MTIF3: variants seen among roughly 807,000 people sequenced by gnomAD.
The protein encoded by MTIF3 is translation initiation factor IF-3, mitochondrial.
A neutral mutation model predicts 20.7 loss-of-function variants in MTIF3; 13 were observed. The ratio of observed to expected loss-of-function variants is 0.63; its 90% CI spans 0.41 to 1.00. The LOEUF (loss-of-function observed/expected upper bound fraction) is 1.00, where lower values mean the gene tolerates loss of function less well. Among genes scored for constraint, MTIF3 ranks in the 50% least tolerant of loss-of-function variants. The pLI is 0.00. For synonymous variants in MTIF3, 114 were observed against 112.5 expected, an observed-to-expected ratio of 1.01 and a Z score of -0.08; for missense variants, 295 against 324.5, an observed-to-expected ratio of 0.91 and a Z score of 0.70.
intron 1 of MTIF3, among the ~76,000 whole-genome samples, chr13:27,447,198 C>CAAA (rs533396868): frequency 0.013 from 1,095 of 84,168 alleles, 57 homozygotes; most frequent in African/African-American, 0.047. Context: ...TGGGTTAGGC[C>CAAA]AAAAAAAAAA....
rs573364080 is a variant in MTIF3, at chr13:27,441,915, CAAGA to C, written c.-1-1470_-1-1467del. Reference sequence around the variant, plus strand: ...CCACTTATCTCTCACCTGTCATGTTCAAGAGTGATATGCAAAAAAATATGGTAAA... The same window carrying C: ...CCACTTATCTCTCACCTGTCATGTTCGTGATATGCAAAAAAATATGGTAAA... On this transcript the variant is annotated intron_variant, in intron 2 of 4. Coordinates refer to ENST00000381120, the MANE Select transcript of MTIF3 (RefSeq NM_152912.5). 4.6e-5 allele frequency among the ~76,000 whole-genome samples: 7 copies of C among 152,282 alleles called. No homozygotes were observed. In the East Asian group the frequency reaches 1.2e-3, roughly 25 times the overall value.
chr13:27,444,631 A>G (rs1486369130), intron 2 of MTIF3, among the ~76,000 whole-genome samples: 1 of 152,226 alleles, frequency 6.6e-6, no homozygotes, highest in African/African-American at 2.4e-5. Flanking sequence ...CCTTGTACAG[A>G]AAGAACTGGA....
chr13:27,440,853 T>A (rs950550814), intron 2 of MTIF3, among the ~76,000 whole-genome samples: 4 of 152,158 alleles, frequency 2.6e-5, no homozygotes, highest in African/African-American at 9.7e-5. Context: ...CTCAAAAACT[T>A]ACTAATAGCT....
intron 1 of MTIF3, among the ~76,000 whole-genome samples, chr13:27,447,174 C>G (rs1485262309): frequency 4.1e-5 from 5 of 121,794 alleles, no homozygotes; most frequent in African/African-American, 9.8e-5. Flanking sequence ...CTTCCCTATC[C>G]TGTTCAGAAC....
Position 27,435,742 on chromosome 13 carries a change from G to C in MTIF3, c.770C>G (p.Thr257Ser). The change falls in exon 5 of 5, where the codon ACC (threonine) becomes AGC (serine). Residue 257 changes from threonine (T) to serine (S), a missense_variant. Transcript: ENST00000381120. The stretch of plus-strand genomic sequence containing the variant: ...TTTGTTCAAAGTGTCTCTTTCCTGG[G>C]TCTCTTGAGTTTCTTTATATGCCTT... ...EEKAYKETQETQERDTLNKDH... is the reference protein window; with the variant it reads ...EEKAYKETQESQERDTLNKDH... 1 of 1,614,006 alleles carries C rather than the reference G, an allele frequency of 6.2e-7. No homozygotes were observed. The highest frequency in any genetic ancestry group is 1.1e-5 in the South Asian group (1 of 91,066).
At chr13:27,446,043 G>A (rs4771122) in intron 1 of MTIF3, among the ~76,000 whole-genome samples, 115,835 of 151,472 alleles carry the variant, frequency 0.76, 44,262 homozygotes, top group Middle Eastern at 0.84. Context: ...TATTAGAGAC[G>A]TATTGTTAAT....
rs1953822434 is a variant in MTIF3, at chr13:27,437,399, C to G, written c.461-126G>C. 8.8e-6 allele frequency: 7 copies of G among 799,468 alleles called. No individual in the cohort carries two copies. The East Asian group carries it at 1.9e-4, about 22-fold the overall frequency. 49.5% of individuals were successfully genotyped at this position (799,468 alleles called of 1,614,324 possible). A position where few individuals can be genotyped will look rare whatever the true frequency, so the allele number is the denominator to read the frequency against. The stretch of plus-strand genomic sequence containing the variant: ...AATCTTCTCATCTGGCTTTCAGTTT[C>G]ACAGACCAGTAAATGTCTTTTCAAA... On this transcript the variant is annotated intron_variant, in intron 3 of 4. Coordinates refer to ENST00000381120, the MANE Select transcript of MTIF3 (RefSeq NM_152912.5).
chr13:27,442,709 G>GTT (rs1954046917), intron 2 of MTIF3, among the ~76,000 whole-genome samples: 1 of 152,042 alleles, frequency 6.6e-6, no homozygotes, highest in Non-Finnish European at 1.5e-5. Flanking sequence ...TAGCCTCATG[G>GTT]TTCATTTACC....
chr13:27,440,363 A>G lies in MTIF3; in HGVS notation c.86T>C (p.Leu29Pro), dbSNP rs1566084135. The change falls in exon 3 of 5, where the codon CTG becomes CCG. Residue 29 changes from leucine to proline, a missense_variant. Transcript: ENST00000381120. ...SCIRCFGKHILQKTAPAQLSP... is the reference protein window; with the variant it reads ...SCIRCFGKHIPQKTAPAQLSP... ...CAACTGTGCTGGTGCTGTCTTTTGC[A>G]GGATGTGTTTACCAAAACATCTAAT... 6.2e-7 allele frequency: 1 copy of G among 1,614,228 alleles called. No individual in the cohort carries two copies. Among genetic ancestry groups the G allele is most frequent in the Admixed American group, 1.7e-5 (1 of 60,020 alleles).
At chr13:27,441,044 G>C (rs951567899) in intron 2 of MTIF3, 19 of 159,760 alleles carry the variant, frequency 1.2e-4, no homozygotes, top group Non-Finnish European at 2.5e-4. Context: ...TCACCATAAA[G>C]GTCTTCATCC....
chr13:27,442,083 C>CCTCT (rs889953029), intron 2 of MTIF3, among the ~76,000 whole-genome samples: 17 of 152,194 alleles, frequency 1.1e-4, no homozygotes, highest in African/African-American at 3.6e-4. Flanking sequence ...GCCTACCCAA[C>CCTCT]CTCTCCACTT....
At chr13:27,444,784 A>T (rs1016620818) in intron 2 of MTIF3, among the ~76,000 whole-genome samples, 1 of 152,186 alleles carries the variant, frequency 6.6e-6, no homozygotes, top group Non-Finnish European at 1.5e-5. Context: ...AGTATTCACA[A>T]TATTATCCCA....
intron 1 of MTIF3, among the ~76,000 whole-genome samples, chr13:27,446,354 G>A (rs1363212521): frequency 2.6e-5 from 4 of 152,166 alleles, no homozygotes; most frequent in Non-Finnish European, 4.4e-5. Flanking sequence ...CACGGCACCC[G>A]CCTGTTAATT....
intron 1 of MTIF3, among the ~76,000 whole-genome samples, chr13:27,448,104 G>A (rs1351186245): frequency 8.7e-6 from 1 of 114,720 alleles, no homozygotes; most frequent in Non-Finnish European, 1.6e-5. Context: ...AAACTTCCTG[G>A]AACATGATTT....
intron 4 of MTIF3, 71 bp from the exon 5 acceptor site, chr13:27,435,964 A>T: frequency 4.6e-6 from 6 of 1,315,822 alleles, no homozygotes; most frequent in Non-Finnish European, 6.4e-6. Context: ...TTCTGCTTGA[A>T]CATTCACAAA....
chr13:27,438,481 CTGTTTTTT>C (rs1469792586), intron 3 of MTIF3, among the ~76,000 whole-genome samples: 390 of 52,066 alleles, frequency 7.5e-3, no homozygotes, highest in African/African-American at 0.02. Context: ...CAGAGCAAGA[CTGTTTTTT>C]TTTTTTTTTT....
At chr13:27,440,784 T>C (rs1341447393) in intron 2 of MTIF3, among the ~76,000 whole-genome samples, 1 of 151,980 alleles carries the variant, frequency 6.6e-6, no homozygotes, top group Non-Finnish European at 1.5e-5. Flanking sequence ...CCTGAACAAC[T>C]TGGGAGTTAG....
intron 4 of MTIF3, 104 bp from the exon 5 acceptor site, chr13:27,435,997 C>A: frequency 2.3e-6 from 2 of 859,854 alleles, no homozygotes; most frequent in South Asian, 1.6e-5. Context: ...TGAATTGCTG[C>A]TGTCGGTTAA....
chr13:27,450,444 C>T (rs1954332095), intron 1 of MTIF3, 65 bp downstream of exon 1: 1 of 152,462 alleles, frequency 6.6e-6, no homozygotes, highest in Admixed American at 6.5e-5. Flanking sequence ...AGGGGCGCCC[C>T]CTAAGGCCAC....
Sources: gnomAD v4.1 joint callset for allele counts (sites outside exome capture counted in the v4.1 genomes callset) on GRCh38, gnomAD v4.1.1 for gene constraint, MANE v1.5 for transcripts, NCBI Gene and HGNC (gene_info 2026-07-23, HGNC 2026-07-21) for gene names.